Variants in SART1 observed in about 807,000 individuals in gnomAD.
The protein encoded by SART1 is spliceosome associated factor 1, recruiter of U4/U6.U5 tri-snRNP.
SART1 carries 28 observed loss-of-function variants against 105.0 expected under a neutral mutation model. The observed-to-expected ratio is 0.27, with a 90% confidence interval of 0.20 to 0.37. The LOEUF (loss-of-function observed/expected upper bound fraction) is 0.37. SART1 is among the 10% of genes least tolerant of loss of function. The pLI is 1.00. For missense variants in SART1, 894 were observed against 1,106.5 expected, an observed-to-expected ratio of 0.81 and a Z score of 2.72; for synonymous variants, 472 against 462.9, an observed-to-expected ratio of 1.02 and a Z score of -0.25.
chr11:65,966,521 C>T lies in SART1; in HGVS notation c.1153C>T (p.Arg385Trp), dbSNP rs201560941. ...QAQSLSTVGP[R>W]LASEYLTPEE... ...TCAGTCCCTGAGCACAGTGGGGCCC[C>T]GGCTGGCCTCCGAATACCTCACGCC... is the stretch of plus-strand genomic sequence containing the variant. The change falls in exon 9 of 20, where the codon CGG becomes TGG. Residue 385 changes from arginine to tryptophan, a missense_variant. By Grantham distance (101) the Arg-to-Trp change is moderately radical. This residue lies in a region of SART1 where 712 missense variants were observed against 778.2 expected (regional missense o/e 0.91). Coordinates refer to ENST00000312397, the MANE Select transcript of SART1 (RefSeq NM_005146.5). 1.5e-4 allele frequency: 237 copies of T among 1,569,264 alleles called. 1 individual carries two copies. The East Asian group carries it at 4.6e-3, about 31-fold the overall frequency.
In SART1 at chr11:65,978,161, G is replaced by A. The variant is rs985064237; in HGVS notation, c.2172+262G>A. The A allele has an allele frequency of 7.3e-6, 4 of 547,412 alleles. No individual in the cohort carries two copies. The East Asian group carries it at 1.3e-4, about 17-fold the overall frequency. The allele number at this position is 547,412 out of a possible 1,614,324, so 33.9% of individuals were successfully genotyped here. Reference sequence around the variant, plus strand: ...AGGCACTCGGGACCTCTGCCCTCCTGTCCTCACCTGCGTGAGCCCTTCACT... The same window carrying A: ...AGGCACTCGGGACCTCTGCCCTCCTATCCTCACCTGCGTGAGCCCTTCACT... On this transcript the variant is annotated intron_variant, in intron 17 of 19. Coordinates refer to ENST00000312397, the MANE Select transcript of SART1 (RefSeq NM_005146.5). The surrounding 1 kb of genome is among the most constrained non-coding windows in gnomAD (Gnocchi z 6.8).
Position 65,976,523 on chromosome 11 carries a change from C to T in SART1, c.1701C>T (p.Pro567=). 2 of 1,603,486 alleles carry T rather than the reference C, an allele frequency of 1.2e-6. No homozygotes were observed. Among genetic ancestry groups the T allele is most frequent in the Non-Finnish European group, 1.7e-6 (2 of 1,174,330 alleles). The change falls in exon 13 of 20, where the codon CCC becomes CCT. Residue 567 remains proline, a synonymous_variant. Transcript: ENST00000312397. This position sits in a 1 kb window ranked among gnomAD's most constrained non-coding sequence, Gnocchi z 5.1. The part of the protein sequence containing the change: ...SEFCRTLGEI[P]TYGLAGNREE... ...TCTGCCGCACCTTGGGGGAGATCCC[C>T]ACCTACGGGCTGGCTGGCAATCGCG...
At chr11:65,970,173 C>G (rs1329760962) in intron 12 of SART1, among the ~76,000 whole-genome samples, 1 of 152,018 alleles carries the variant, frequency 6.6e-6, no homozygotes, top group Non-Finnish European at 1.5e-5. Context: ...TTTTTCCTGA[C>G]CACTGGGAGT....
intron 12 of SART1, among the ~76,000 whole-genome samples, chr11:65,970,409 G>A (rs971226883): frequency 6.6e-6 from 1 of 152,134 alleles, no homozygotes; most frequent in African/African-American, 2.4e-5. Context: ...TCTGACTACC[G>A]GAGATTCTAG....
At position 65,961,951 on chromosome 11, in the gene SART1, G is replaced by A. The variant is rs1428450268; in HGVS notation, c.171G>A (p.Arg57=). The change falls in exon 1 of 20, where the codon CGG becomes CGA. Residue 57 remains arginine, a synonymous_variant. Coordinates refer to ENST00000312397, the MANE Select transcript of SART1 (RefSeq NM_005146.5). ...GSGGERRKRS[R]ERGGERGSGR... is the part of the protein sequence containing the mutation. ...GTGGCGAACGACGGAAGCGGAGCCG[G>A]GAACGTGGGGGCGAGCGCGGGAGCG... 1 of 1,525,752 alleles carries A rather than the reference G, an allele frequency of 6.6e-7. No homozygotes were observed. The highest frequency in any genetic ancestry group is 2.0e-5 in the Admixed American group (1 of 49,324). The allele number at this position is 1,525,752 out of a possible 1,614,324, so 94.5% of individuals were successfully genotyped here. A position where few individuals can be genotyped will look rare whatever the true frequency, so the allele number is the denominator to read the frequency against.
chr11:65,976,265 G>A lies in SART1; in HGVS notation c.1573-130G>A. The A allele has an allele frequency of 1.1e-6, 1 of 872,702 alleles. No homozygotes were observed. Among genetic ancestry groups the A allele is most frequent in the Non-Finnish European group, 1.7e-6 (1 of 591,692 alleles). 54.1% of individuals were successfully genotyped at this position (872,702 alleles called of 1,614,324 possible). On this transcript the variant is annotated intron_variant, in intron 12 of 19. Coordinates refer to ENST00000312397, the MANE Select transcript of SART1 (RefSeq NM_005146.5). The surrounding 1 kb of genome is among the most constrained non-coding windows in gnomAD (Gnocchi z 5.1). The stretch of plus-strand genomic sequence containing the variant: ...GCAGAGTGGAGTTAGGCGGCAGATA[G>A]CAGCTGGGCCTGCATGGGCTGTGGG...
chr11:65,962,149 G>C (rs1374320208), intron 1 of SART1, 56 bp downstream of exon 1: 1 of 1,163,250 alleles, frequency 8.6e-7, no homozygotes, highest in African/African-American at 1.7e-5. Context: ...CGGAACGCGT[G>C]GGTCTGGGTG....
At chr11:65,977,690 T>C (rs777736721) in intron 16 of SART1, 37 bp downstream of exon 16, 4 of 1,613,436 alleles carry the variant, frequency 2.5e-6, no homozygotes, top group Non-Finnish European at 3.4e-6. Context: ...CTGAGGGGCC[T>C]GTGCCAGCTT....
At chr11:65,964,676 C>A in intron 3 of SART1, 106 bp downstream of exon 3, 1 of 1,132,548 alleles carries the variant, frequency 8.8e-7, no homozygotes, top group Non-Finnish European at 1.3e-6. Context: ...AGTGGTCTTA[C>A]ACATGCATAT....
At position 65,979,113 on chromosome 11, in the gene SART1, C is replaced by T; in HGVS notation, c.*83C>T. The T allele has an allele frequency of 6.4e-7, 1 of 1,569,854 alleles. No homozygotes were observed. The highest frequency in any genetic ancestry group is 8.7e-7 in the Non-Finnish European group (1 of 1,146,872). On this transcript the variant is annotated 3_prime_UTR_variant, in exon 20 of 20. Coordinates refer to ENST00000312397, the MANE Select transcript of SART1 (RefSeq NM_005146.5). ...TATTTTTTCCTCCCTGGTCGTGGTA[C>T]AGATTCCAGGGTTGGATCTTTGGTT...
At position 65,966,417 on chromosome 11, in the gene SART1, G is replaced by A. The variant is rs754233385; in HGVS notation, c.1049G>A (p.Arg350His). 41 of 1,613,750 alleles carry A rather than the reference G, an allele frequency of 2.5e-5. No homozygotes were observed. The African/African-American group carries it at 2.9e-4, about 12-fold the overall frequency. The change falls in exon 9 of 20, where the codon CGC becomes CAC. Residue 350 changes from arginine (R) to histidine (H), a missense_variant. By Grantham distance (29) the Arg-to-His change is conservative (BLOSUM62 0). Transcript: ENST00000312397. The stretch of plus-strand genomic sequence containing the variant: ...GAAGGGGAGCGGCCACATTCCTTCC[G>A]CTTGGAGCAGGGCGGCACGGCTGAT... ...ELEGERPHSF[R>H]LEQGGTADGL...
chr11:65,965,519 A>G, intron 5 of SART1, 72 bp downstream of exon 5: 2 of 1,464,592 alleles, frequency 1.4e-6, no homozygotes, highest in Non-Finnish European at 1.9e-6. Flanking sequence ...GCGGGGGCCA[A>G]CCCCAGAGAG....
In SART1 at chr11:65,962,204, G is replaced by A. The variant is rs560560925; in HGVS notation, c.313+111G>A. ...GCTCTTCAGGCCAGGAAACCCCCAA[G>A]CTGTTTACCAGCTCTATTAAATAGT... On this transcript the variant is annotated intron_variant, in intron 1 of 19. Coordinates refer to ENST00000312397, the MANE Select transcript of SART1 (RefSeq NM_005146.5). 4.7e-5 allele frequency: 38 copies of A among 803,380 alleles called. No individual in the cohort carries two copies. The Admixed American group carries it at 8.3e-4, about 18-fold the overall frequency. 49.8% of individuals were successfully genotyped at this position (803,380 alleles called of 1,614,324 possible).
Position 65,967,397 on chromosome 11 carries a change from C to T in SART1, c.1313+14C>T, listed in dbSNP as rs371660848. On this transcript the variant is annotated intron_variant, in intron 10 of 19. Transcript: ENST00000312397. ...CTTTGGTTCCAGGTGGGCTTGGACA[C>T]GGTGGTGGGGCGAGATGGCTGGGCT... 1.5e-5 allele frequency: 24 copies of T among 1,613,778 alleles called. 1 individual carries two copies. The highest frequency in any genetic ancestry group is 5.5e-5 in the South Asian group (5 of 91,072).
rs747866290 is a variant in SART1 at position 65,965,082 on chromosome 11, C to A, written c.428-10C>A. 6.4e-7 allele frequency: 1 copy of A among 1,567,742 alleles called. No individual in the cohort carries two copies. The highest frequency in any genetic ancestry group is 1.4e-5 in the African/African-American group (1 of 72,442). ...GCGGGCATAGCCTCACGTCTGGGCCCCCCTTCCAGAGGCGGGCACCAAGGA... is the reference window on the plus strand; with the variant it reads ...GCGGGCATAGCCTCACGTCTGGGCCACCCTTCCAGAGGCGGGCACCAAGGA... On this transcript the variant is annotated splice_polypyrimidine_tract_variant and intron_variant, in intron 3 of 19. Coordinates refer to ENST00000312397, the MANE Select transcript of SART1 (RefSeq NM_005146.5).
intron 12 of SART1, among the ~76,000 whole-genome samples, chr11:65,973,241 T>G (rs1855417417): frequency 1.3e-5 from 2 of 151,778 alleles, no homozygotes. Context: ...CCATGAAGAA[T>G]ATAAAAAGGC....
At position 65,978,844 on chromosome 11, in the gene SART1, C is replaced by T; in HGVS notation, c.2314C>T (p.Leu772Phe). Residue 772 changes from leucine (L) to phenylalanine (F), a missense_variant, in exon 19 of 20, where the codon CTC (leucine) becomes TTC (phenylalanine). Leu to Phe is a conservative substitution (Grantham distance 22). This residue lies in a region of SART1 where 182 missense variants were observed against 328.3 expected (regional missense o/e 0.55). Transcript: ENST00000312397. The surrounding 1 kb of genome is among the most constrained non-coding windows in gnomAD (Gnocchi z 6.8). ...CACGCCCCTGGGCACCGTGGCCCTG[C>T]TCCAGGAGAAGCAGAAGGCTCAGAA... ...SDTPLGTVAL[L>F]QEKQKAQKTP... 1 of 1,614,038 alleles carries T rather than the reference C, an allele frequency of 6.2e-7. No homozygotes were observed. Among genetic ancestry groups the T allele is most frequent in the Non-Finnish European group, 8.5e-7 (1 of 1,179,984 alleles).
At position 65,976,314 on chromosome 11, in the gene SART1, G is replaced by A. The variant is rs1192255588; in HGVS notation, c.1573-81G>A. On this transcript the variant is annotated intron_variant, in intron 12 of 19. Transcript: ENST00000312397. The surrounding 1 kb of genome is among the most constrained non-coding windows in gnomAD (Gnocchi z 5.1). Reference sequence around the variant, plus strand: ...GGCGTGGCCTGTCTGGCTGCTGCCAGGGAGGACCCTTAGGTTCCTGGGTCT... The same window carrying A: ...GGCGTGGCCTGTCTGGCTGCTGCCAAGGAGGACCCTTAGGTTCCTGGGTCT... The A allele has an allele frequency of 6.3e-5, 89 of 1,411,322 alleles. No individual in the cohort carries two copies. Among genetic ancestry groups the A allele is most frequent in the Non-Finnish European group, 8.2e-5 (88 of 1,069,750 alleles). The allele number at this position is 1,411,322 out of a possible 1,614,324, so 87.4% of individuals were successfully genotyped here.
At position 65,976,633 on chromosome 11, in the gene SART1, G is replaced by A. The variant is rs116614074; in HGVS notation, c.1747-23G>A. 3.0e-5 allele frequency: 48 copies of A among 1,613,126 alleles called. No homozygotes were observed. Among genetic ancestry groups the A allele is most frequent in the African/African-American group, 1.7e-4 (13 of 74,934 alleles). On this transcript the variant is annotated intron_variant, in intron 13 of 19. Transcript: ENST00000312397. This position sits in a 1 kb window ranked among gnomAD's most constrained non-coding sequence, Gnocchi z 5.1. The stretch of plus-strand genomic sequence containing the variant: ...GGGTGGGCTGGCTGGGGCCTGGGCC[G>A]ACCCTGGTCTTTTGTGCCCCAGGAC...
Sources: allele counts gnomAD v4.1 joint callset (sites outside exome capture counted in the v4.1 genomes callset), GRCh38; gene constraint gnomAD v4.1.1; regional missense constraint gnomAD v4.1.1; non-coding constraint Gnocchi (gnomAD v3.1); transcripts MANE v1.5; gene names NCBI Gene and HGNC (gene_info 2026-07-23, HGNC 2026-07-21).